RYR2: variants seen among roughly 807,000 people sequenced by gnomAD.
RYR2 encodes ryanodine receptor 2.
A neutral mutation model predicts 601.1 loss-of-function variants in RYR2; 227 were observed. The ratio of observed to expected loss-of-function variants is 0.38; its 90% CI spans 0.34 to 0.42. The LOEUF is 0.42. RYR2 is among the 10% of genes least tolerant of loss of function. The pLI is 1.00. For synonymous variants in RYR2, 2,223 were observed against 2,175.1 expected (o/e 1.02, Z -0.61); for missense variants, 4,646 against 6,156.5 (o/e 0.75, Z 8.21).
chr1:237,176,314 ACT>A (rs1192132037), intron 1 of RYR2, among the ~76,000 whole-genome samples: 70 of 148,714 alleles, frequency 4.7e-4, no homozygotes, highest in African/African-American at 9.5e-4. Context: ...TTTTTTATTA[ACT>A]CTGGCACATA....
chr1:237,807,113 G>A (rs1258026697), intron 99 of RYR2, among the ~76,000 whole-genome samples: 2 of 152,136 alleles, frequency 1.3e-5, no homozygotes, highest in African/African-American at 2.4e-5. Flanking sequence ...CTAAATTTCA[G>A]CATGATTCTT....
intron 20 of RYR2, among the ~76,000 whole-genome samples, chr1:237,500,192 T>C (rs984401469): frequency 1.3e-5 from 2 of 152,208 alleles, no homozygotes; most frequent in Admixed American, 6.5e-5. Flanking sequence ...GAAGGGAGTT[T>C]AGCATTTGAA....
In RYR2 at chr1:237,813,463, C is replaced by A. The variant is rs73103998; in HGVS notation, c.14433+4428C>A. Among the ~76,000 whole-genome samples the A allele has an allele frequency of 2.3e-3, 350 of 152,226 alleles. 1 individual carries two copies. Among genetic ancestry groups the A allele is most frequent in the African/African-American group, 7.9e-3 (330 of 41,532 alleles). ...GTGACTTTAGATCTTCCTTTTGTAC[C>A]ACAGGGAGACCCCAGCAACATCCTG... On this transcript the variant is annotated intron_variant, in intron 100 of 104. Coordinates refer to ENST00000366574, the MANE Select transcript of RYR2 (RefSeq NM_001035.3).
intron 1 of RYR2, among the ~76,000 whole-genome samples, chr1:237,259,525 C>A (rs1353629955): frequency 1.7e-5 from 1 of 57,156 alleles, no homozygotes; most frequent in Admixed American, 2.2e-4. Context: ...AGCTCTAGAC[C>A]ATTTAAAAAA....
At chr1:237,828,579 T>C in intron 102 of RYR2, 134 bp downstream of exon 102, 1 of 597,300 alleles carries the variant, frequency 1.7e-6, no homozygotes. Flanking sequence ...ACTGGCGTGT[T>C]TTCCATTCAA....
chr1:237,797,924 T>C (rs967929503), intron 96 of RYR2, 113 bp from the exon 97 acceptor site: 5 of 987,714 alleles, frequency 5.1e-6, no homozygotes, highest in African/African-American at 3.4e-5. Flanking sequence ...TTTTAAGTGA[T>C]TGTTAGGGCA....
chr1:237,110,267 AT>A (rs71178393), intron 1 of RYR2, among the ~76,000 whole-genome samples: 130,981 of 150,506 alleles, frequency 0.87, 58,453 homozygotes, highest in East Asian at 1. Flanking sequence ...GAAAATGGGC[AT>A]TTTTTTTTTC....
At chr1:237,669,499 CG>C (rs1228423103) in intron 58 of RYR2, among the ~76,000 whole-genome samples, 1 of 134,204 alleles carries the variant, frequency 7.5e-6, no homozygotes, top group Admixed American at 7.6e-5. Context: ...GCTGGCCGGG[CG>C]GGGGGCTGAC....
At chr1:237,139,127 A>G (rs1458262807) in intron 1 of RYR2, among the ~76,000 whole-genome samples, 1 of 152,242 alleles carries the variant, frequency 6.6e-6, no homozygotes, top group Non-Finnish European at 1.5e-5. Flanking sequence ...AAACAACTCA[A>G]ATGTCCATCA....
intron 1 of RYR2, among the ~76,000 whole-genome samples, chr1:237,232,095 A>G (rs1248558162): frequency 1.3e-5 from 2 of 152,208 alleles, no homozygotes; most frequent in Non-Finnish European, 2.9e-5. Context: ...TTGGTGTTCA[A>G]TCTCTTTTTC....
intron 1 of RYR2, among the ~76,000 whole-genome samples, chr1:237,191,334 A>T (rs1224907801): frequency 1.3e-5 from 2 of 151,942 alleles, no homozygotes; most frequent in African/African-American, 2.4e-5. Flanking sequence ...TTTTGAAATC[A>T]GGGAGTATGA....
intron 2 of RYR2, among the ~76,000 whole-genome samples, chr1:237,321,855 T>C (rs1572596892): frequency 6.6e-6 from 1 of 152,150 alleles, no homozygotes; most frequent in African/African-American, 2.4e-5. Flanking sequence ...ATGAGAAACA[T>C]GAGGCTTCTT....
intron 29 of RYR2, among the ~76,000 whole-genome samples, chr1:237,583,905 G>A (rs1674212170): frequency 6.6e-6 from 1 of 152,186 alleles, no homozygotes; most frequent in African/African-American, 2.4e-5. Context: ...AAAATTTGCT[G>A]AAGCCATCTG....
chr1:237,441,294 C>T (rs377076242), intron 12 of RYR2, 25 bp from the exon 13 acceptor site: 46 of 1,612,858 alleles, frequency 2.9e-5, no homozygotes, highest in Non-Finnish European at 3.7e-5. Context: ...TGTTTACTGA[C>T]CTTTTTTTCC....
rs765351308 is a variant in RYR2 at position 237,610,811 on chromosome 1, C to T, written c.4733C>T (p.Pro1578Leu). 9 of 1,611,334 alleles carry T rather than the reference C, an allele frequency of 5.6e-6. No individual in the cohort carries two copies. The highest frequency in any genetic ancestry group is 1.3e-5 in the African/African-American group (1 of 74,882). The change falls in exon 36 of 105, where the codon CCC becomes CTC. Residue 1578 changes from proline to leucine, a missense_variant. Pro to Leu is a moderately conservative substitution (Grantham distance 98). Transcript: ENST00000366574. The surrounding 1 kb of genome is among the most constrained non-coding windows in gnomAD (Gnocchi z 4.9). ...AGLFKSEHKN[P>L]VPQCPPRLHV... ...TTATTCAAGAGTGAGCACAAGAACC[C>T]CGTGCCGCAGTGCCCCCCGCGCCTC...
Position 237,617,355 on chromosome 1 carries a change from T to G in RYR2, c.5785T>G (p.Ser1929Ala). 6.2e-7 allele frequency: 1 copy of G among 1,613,968 alleles called. No homozygotes were observed. Among genetic ancestry groups the G allele is most frequent in the Non-Finnish European group, 8.5e-7 (1 of 1,179,874 alleles). ...RHRIEAIVAF[S>A]DDFVAKLQDN... ...CCGGATAGAAGCCATTGTAGCCTTT[T>G]CAGATGATTTTGTGGCTAAGCTCCA... Residue 1929 changes from serine to alanine, a missense_variant, in exon 38 of 105, where the codon TCA (serine) becomes GCA (alanine). Coordinates refer to ENST00000366574, the MANE Select transcript of RYR2 (RefSeq NM_001035.3).
chr1:237,719,941 C>T (rs1275427004), intron 73 of RYR2, among the ~76,000 whole-genome samples: 1 of 152,154 alleles, frequency 6.6e-6, no homozygotes, highest in Non-Finnish European at 1.5e-5. Flanking sequence ...TCGAGATTTG[C>T]AGCAATAGGA....
intron 29 of RYR2, among the ~76,000 whole-genome samples, chr1:237,576,536 T>G (rs12131976): frequency 0.3 from 45,073 of 151,602 alleles, 7,094 homozygotes; most frequent in East Asian, 0.6. Flanking sequence ...GGATCTGTAG[T>G]GAAAATATGA....
intron 1 of RYR2, among the ~76,000 whole-genome samples, chr1:237,256,944 A>G (rs1688047303): frequency 6.6e-6 from 1 of 151,984 alleles, no homozygotes; most frequent in Non-Finnish European, 1.5e-5. Flanking sequence ...TCACCTCACC[A>G]TTGCATCCCA....
Sources: allele counts gnomAD v4.1 joint callset (sites outside exome capture counted in the v4.1 genomes callset), GRCh38; gene constraint gnomAD v4.1.1; non-coding constraint Gnocchi (gnomAD v3.1); transcripts MANE v1.5; gene names NCBI Gene and HGNC (gene_info 2026-07-23, HGNC 2026-07-21).